Variants in GSTA1 observed in about 807,000 individuals in gnomAD.
The protein encoded by GSTA1 is glutathione S-transferase alpha 1.
In GSTA1, 23 loss-of-function variants were observed where a neutral mutation model predicts 21.5. The ratio of observed to expected loss-of-function variants is 1.07; its 90% confidence interval spans 0.77 to 1.52. The LOEUF (loss-of-function observed/expected upper bound fraction) is 1.52. Ranked by LOEUF, GSTA1 falls within the 40% of genes most tolerant of loss-of-function variation. The pLI is 0.00. For synonymous variants in GSTA1, 125 were observed against 90.0 expected, an observed-to-expected ratio of 1.39 and a Z score of -2.20; for missense variants, 301 against 264.2, an observed-to-expected ratio of 1.14 and a Z score of -0.96.
At chr6:52,802,035 C>T (rs145627386) in intron 1 of GSTA1, among the ~76,000 whole-genome samples, 15 of 152,194 alleles carry the variant, frequency 9.9e-5, no homozygotes, top group East Asian at 5.8e-4. Context: ...AAGGAGAGGA[C>T]GAGAGGGGAA....
intron 1 of GSTA1, among the ~76,000 whole-genome samples, chr6:52,802,131 T>C (rs571324358): frequency 1.3e-5 from 2 of 152,294 alleles, no homozygotes; most frequent in South Asian, 4.1e-4. Flanking sequence ...CTTTCTCTGA[T>C]TTGACAACCT....
chr6:52,793,357 T>C (rs1180468744), intron 5 of GSTA1, among the ~76,000 whole-genome samples: 3 of 152,036 alleles, frequency 2.0e-5, no homozygotes, highest in Admixed American at 2.0e-4. Context: ...TACATTCTGC[T>C]CTCTCCCTCT....
chr6:52,795,229 T>A (rs1763548638), intron 4 of GSTA1, among the ~76,000 whole-genome samples: 1 of 152,184 alleles, frequency 6.6e-6, no homozygotes, highest in Non-Finnish European at 1.5e-5. Context: ...TATGTGGCCT[T>A]CTGTGTCTTG....
At chr6:52,793,008 G>T (rs751224452) in intron 5 of GSTA1, 21 bp from the exon 6 acceptor site, 41 of 1,613,834 alleles carry the variant, frequency 2.5e-5, no homozygotes, top group East Asian at 8.9e-5. Context: ...GGAGGAATCA[G>T]ATCAGGAACA....
chr6:52,793,665 CTCCT>C (rs1763510681), intron 5 of GSTA1, among the ~76,000 whole-genome samples: 1 of 152,328 alleles, frequency 6.6e-6, no homozygotes, highest in South Asian at 2.1e-4. Flanking sequence ...CACAATCACT[CTCCT>C]TTTAAAAAAT....
At position 52,796,281 on chromosome 6, in the gene GSTA1, A is replaced by G; in HGVS notation, c.173T>C (p.Val58Ala). 1.2e-6 allele frequency: 2 copies of G among 1,613,350 alleles called. No homozygotes were observed. The highest frequency in any genetic ancestry group is 1.7e-6 in the Non-Finnish European group (2 of 1,179,860). Residue 58 changes from valine (V) to alanine (A), a missense_variant, in exon 4 of 7, where the codon GTT becomes GCT. Coordinates refer to ENST00000334575, the MANE Select transcript of GSTA1 (RefSeq NM_145740.5). ...CACCAGCTTCATCCCATCAATCTCA[A>G]CCATTGGCACTTGCTGGAACATCAA... ...GYLMFQQVPM[V>A]EIDGMKLVQT...
At chr6:52,802,783 C>G (rs1357060531) in intron 1 of GSTA1, among the ~76,000 whole-genome samples, 1 of 152,082 alleles carries the variant, frequency 6.6e-6, no homozygotes, top group Admixed American at 6.5e-5. Flanking sequence ...GTTCATAGAA[C>G]TCGAGTAGGA....
At chr6:52,796,529 G>GTATATA (rs1561912876) in intron 3 of GSTA1, among the ~76,000 whole-genome samples, 1 of 56,606 alleles carries the variant, frequency 1.8e-5, no homozygotes, top group Non-Finnish European at 3.8e-5. Flanking sequence ...GTGTGTGTGT[G>GTATATA]TATATATATA....
chr6:52,793,096 G>T, intron 5 of GSTA1, 109 bp from the exon 6 acceptor site: 2 of 1,474,386 alleles, frequency 1.4e-6, no homozygotes, highest in Non-Finnish European at 1.9e-6. Context: ...TTGCCTTACT[G>T]CATGGGTGCA....
intron 1 of GSTA1, among the ~76,000 whole-genome samples, chr6:52,803,545 T>C (rs1345818445): frequency 6.6e-6 from 1 of 152,192 alleles, no homozygotes; most frequent in Non-Finnish European, 1.5e-5. Context: ...TTGTTTCCCA[T>C]ACCATTAAAT....
intron 1 of GSTA1, among the ~76,000 whole-genome samples, chr6:52,803,470 T>A (rs1438758500): frequency 3.9e-5 from 6 of 152,220 alleles, no homozygotes; most frequent in African/African-American, 1.4e-4. Flanking sequence ...CATTGCCACT[T>A]CTTCCAGCAC....
At chr6:52,802,035 C>A (rs145627386) in intron 1 of GSTA1, among the ~76,000 whole-genome samples, 5 of 152,076 alleles carry the variant, frequency 3.3e-5, no homozygotes, top group South Asian at 2.1e-4. Flanking sequence ...AAGGAGAGGA[C>A]GAGAGGGGAA....
At chr6:52,798,044 T>C (rs892387704) in intron 2 of GSTA1, among the ~76,000 whole-genome samples, 5 of 152,198 alleles carry the variant, frequency 3.3e-5, no homozygotes, top group Admixed American at 6.5e-5. Flanking sequence ...GGCTAATGGC[T>C]ATCAAACATT....
chr6:52,797,725 G>T (rs1763623751), intron 2 of GSTA1, 88 bp from the exon 3 acceptor site: 1 of 1,143,076 alleles, frequency 8.7e-7, no homozygotes, highest in Non-Finnish European at 1.3e-6. Flanking sequence ...GCATCATTTG[G>T]AGAATACAAG....
intron 4 of GSTA1, among the ~76,000 whole-genome samples, chr6:52,795,239 G>T (rs1763548923): frequency 2.6e-5 from 4 of 151,850 alleles, no homozygotes; most frequent in Non-Finnish European, 4.4e-5. Context: ...TCTGTGTCTT[G>T]TTTCTTTTAT....
chr6:52,791,736 T>C lies in GSTA1; in HGVS notation c.*122A>G. ...TAGGAGTTGTATTATTTAATTAGCA[T>C]ATAATTTGAAAGAGTTCATTAGCTT... On this transcript the variant is annotated 3_prime_UTR_variant, in exon 7 of 7. Coordinates refer to ENST00000334575, the MANE Select transcript of GSTA1 (RefSeq NM_145740.5). The C allele has an allele frequency of 8.8e-7, 1 of 1,131,104 alleles. No individual in the cohort carries two copies. Among genetic ancestry groups the C allele is most frequent in the East Asian group, 2.4e-5 (1 of 42,078 alleles). The allele number at this position is 1,131,104 out of a possible 1,614,324, so 70.1% of individuals were successfully genotyped here.
rs1296465173 is a variant in GSTA1, at chr6:52,796,471, ATATATATATATATATATATGTG to A, written c.140-179_140-158del. ...AAACAAAAACTATATATATATATAT[ATATATATATATATATATATGTG>A]TGTGTGTGTGTGTGTGTGTGTGTGT... On this transcript the variant is annotated intron_variant, in intron 3 of 6. Coordinates refer to ENST00000334575, the MANE Select transcript of GSTA1 (RefSeq NM_145740.5). 2.7e-3 allele frequency among the ~76,000 whole-genome samples: 31 copies of A among 11,520 alleles called. 1 individual carries two copies. The highest frequency in any genetic ancestry group is 5.4e-3 in the African/African-American group (11 of 2,034). The allele number at this position is 11,520 out of a possible 152,430, so 7.6% of individuals were successfully genotyped here.
chr6:52,800,695 G>A (rs1763695501), intron 1 of GSTA1, among the ~76,000 whole-genome samples: 1 of 152,128 alleles, frequency 6.6e-6, no homozygotes, highest in African/African-American at 2.4e-5. Flanking sequence ...ATTGTATCAT[G>A]AATGTGAATG....
chr6:52,794,210 G>A lies in GSTA1; in HGVS notation c.329C>T (p.Pro110Leu). The A allele has an allele frequency of 6.2e-7, 1 of 1,613,726 alleles. No individual in the cohort carries two copies. Among genetic ancestry groups the A allele is most frequent in the African/African-American group, 1.3e-5 (1 of 74,972 alleles). ...ATCTTTTTCCTCAGGTGGACATACGGGCAGAAGGAGGATCATTTCACCCAA... is the reference window on the plus strand; with the variant it reads ...ATCTTTTTCCTCAGGTGGACATACGAGCAGAAGGAGGATCATTTCACCCAA... ...ADLGEMILLL[P>L]VCPPEEKDAK... The change falls in exon 5 of 7, where the codon CCC becomes CTC. Residue 110 changes from proline to leucine, a missense_variant. By Grantham distance (98) the Pro-to-Leu change is moderately conservative. Transcript: ENST00000334575.
Sources: gnomAD v4.1 joint callset for allele counts (sites outside exome capture counted in the v4.1 genomes callset) on GRCh38, gnomAD v4.1.1 for gene constraint, MANE v1.5 for transcripts, NCBI Gene and HGNC (gene_info 2026-07-23, HGNC 2026-07-21) for gene names.